Variants in TEX10 observed in about 807,000 individuals in gnomAD.
The protein encoded by TEX10 is testis-expressed protein 10.
A neutral mutation model predicts 104.4 loss-of-function variants in TEX10; 24 were observed. The ratio of observed to expected loss-of-function variants is 0.23; its 90% CI spans 0.17 to 0.32. TEX10 has a LOEUF of 0.32. Among genes scored for constraint, TEX10 ranks in the 10% least tolerant of loss-of-function variants. TEX10 has a pLI of 1.00. For synonymous variants in TEX10, 396 were observed against 393.4 expected, an observed-to-expected ratio of 1.01 and a Z score of -0.08; for missense variants, 921 against 1,083.9, an observed-to-expected ratio of 0.85 and a Z score of 2.11.
intron 1 of TEX10, chr9:100,352,547 G>A: frequency 1.3e-6 from 2 of 1,545,546 alleles, no homozygotes; most frequent in East Asian, 2.4e-5. Context: ...AGGCGAACCC[G>A]CCCAGTCACC....
chr9:100,346,844 C>T lies in TEX10; in HGVS notation c.743G>A (p.Ser248Asn). The T allele has an allele frequency of 6.2e-7, 1 of 1,614,184 alleles. No individual in the cohort carries two copies. Among genetic ancestry groups the T allele is most frequent in the Admixed American group, 1.7e-5 (1 of 60,032 alleles). Residue 248 changes from serine (S) to asparagine (N), a missense_variant, in exon 3 of 15, where the codon AGT (serine) becomes AAT (asparagine). Transcript: ENST00000374902. ...TTCTTTCTGTTCCTGAAGTCCTTCA[C>T]TTTCTCTCAACCTACTGGATCCATC... ...LADGSSRLRE[S>N]EGLQEQKENP... is the part of the protein sequence containing the mutation.
chr9:100,342,365 C>A (rs1191929559), intron 4 of TEX10, among the ~76,000 whole-genome samples: 2 of 152,288 alleles, frequency 1.3e-5, no homozygotes, highest in African/African-American at 4.8e-5. Context: ...AAGGTACATA[C>A]CATGAGGGCA....
chr9:100,350,892 G>A (rs989576131), intron 1 of TEX10, among the ~76,000 whole-genome samples: 3 of 152,136 alleles, frequency 2.0e-5, no homozygotes, highest in Admixed American at 2.0e-4. Flanking sequence ...AGATTGATTA[G>A]GCTTTTATCC....
chr9:100,309,239 AG>A (rs1279534657), intron 12 of TEX10, among the ~76,000 whole-genome samples: 1 of 152,220 alleles, frequency 6.6e-6, no homozygotes, highest in Non-Finnish European at 1.5e-5. Flanking sequence ...TTTCACTGCC[AG>A]GAAACCCAGG....
intron 13 of TEX10, chr9:100,306,809 A>C (rs1028235596): frequency 6.6e-6 from 1 of 152,242 alleles, no homozygotes; most frequent in Non-Finnish European, 1.5e-5. Flanking sequence ...CAAGTATTAC[A>C]CACACTTAAT....
At chr9:100,334,317 T>G (rs1007345730) in intron 5 of TEX10, among the ~76,000 whole-genome samples, 15 of 152,018 alleles carry the variant, frequency 9.9e-5, no homozygotes, top group Non-Finnish European at 1.5e-4. Context: ...CATAGCTGAC[T>G]TCTTAACAAT....
At position 100,321,717 on chromosome 9, in the gene TEX10, T is replaced by C. The variant is rs1834576944; in HGVS notation, c.2034A>G (p.Val678=). 3 of 1,612,580 alleles carry C rather than the reference T, an allele frequency of 1.9e-6. No homozygotes were observed. In the South Asian group the frequency reaches 3.3e-5, roughly 18 times the overall value. The part of the protein sequence containing the change: ...YSAKDWLMSD[V]DYFSFLFSTL... ...TGGAAAATAAGAAGCTGAAATAGTC[T>C]ACATCACTCATCAACCAGTCTTTAG... is the stretch of plus-strand genomic sequence containing the variant. Residue 678 remains valine, a synonymous_variant, in exon 10 of 15, where the codon GTA becomes GTG. Coordinates refer to ENST00000374902, the MANE Select transcript of TEX10 (RefSeq NM_017746.4).
chr9:100,324,887 C>T (rs1834663347), intron 9 of TEX10, among the ~76,000 whole-genome samples: 1 of 152,022 alleles, frequency 6.6e-6, no homozygotes, highest in Admixed American at 6.6e-5. Context: ...TAGCATTTTG[C>T]TTACACAAAA....
intron 11 of TEX10, among the ~76,000 whole-genome samples, chr9:100,316,167 G>C (rs558617153): frequency 4.6e-5 from 7 of 152,214 alleles, no homozygotes; most frequent in Admixed American, 2.0e-4. Context: ...GCACATCAAA[G>C]ATAATATACC....
Position 100,346,332 on chromosome 9 carries a change from A to G in TEX10, c.894-17T>C. The G allele has an allele frequency of 1.3e-6, 2 of 1,583,698 alleles. No individual in the cohort carries two copies. Among genetic ancestry groups the G allele is most frequent in the Non-Finnish European group, 1.7e-6 (2 of 1,169,224 alleles). On this transcript the variant is annotated splice_polypyrimidine_tract_variant and intron_variant, in intron 3 of 14. Coordinates refer to ENST00000374902, the MANE Select transcript of TEX10 (RefSeq NM_017746.4). The stretch of plus-strand genomic sequence containing the variant: ...ACCAGATACCTAATAAGGGTAAGAA[A>G]GAAAAAAATTAAGTGATTAAAAAAT...
intron 11 of TEX10, among the ~76,000 whole-genome samples, chr9:100,312,943 T>C (rs982118569): frequency 6.6e-6 from 1 of 152,118 alleles, no homozygotes; most frequent in South Asian, 2.1e-4. Flanking sequence ...AAGTTAAATA[T>C]CTATAAAAGA....
At chr9:100,339,107 A>C (rs745958090) in intron 5 of TEX10, among the ~76,000 whole-genome samples, 2 of 151,010 alleles carry the variant, frequency 1.3e-5, no homozygotes, top group Non-Finnish European at 3.0e-5. Flanking sequence ...TACAAAAATT[A>C]ATCAGGCATG....
intron 11 of TEX10, among the ~76,000 whole-genome samples, chr9:100,316,575 G>T (rs1465128432): frequency 6.6e-6 from 1 of 152,106 alleles, no homozygotes; most frequent in East Asian, 1.9e-4. Flanking sequence ...AATTGGAAAA[G>T]AGGAAGCTGA....
chr9:100,307,321 T>C (rs1422297205), intron 13 of TEX10: 2 of 152,230 alleles, frequency 1.3e-5, no homozygotes, highest in Non-Finnish European at 2.9e-5. Context: ...ATTTACATAT[T>C]ATCTATTGAT....
chr9:100,314,845 CATTTAAT>C (rs750743333), intron 11 of TEX10, among the ~76,000 whole-genome samples: 7 of 152,164 alleles, frequency 4.6e-5, no homozygotes, highest in Non-Finnish European at 1.0e-4. Flanking sequence ...TTGATGTAGA[CATTTAAT>C]GCTATGAAGT....
intron 1 of TEX10, among the ~76,000 whole-genome samples, chr9:100,352,226 C>T (rs891136950): frequency 1.3e-5 from 2 of 152,204 alleles, no homozygotes; most frequent in East Asian, 1.9e-4. Flanking sequence ...CCTCCAAACT[C>T]CACTGAGGGG....
At chr9:100,303,134 T>C (rs1339165019) in intron 14 of TEX10, among the ~76,000 whole-genome samples, 1 of 152,230 alleles carries the variant, frequency 6.6e-6, no homozygotes, top group African/African-American at 2.4e-5. Context: ...ACAACATTTA[T>C]GGAGCACTTA....
chr9:100,339,712 A>G (rs530335538), intron 5 of TEX10, among the ~76,000 whole-genome samples: 32 of 151,704 alleles, frequency 2.1e-4, no homozygotes, highest in African/African-American at 7.5e-4. Flanking sequence ...TTATTACATA[A>G]CTTGTTCTCA....
chr9:100,352,731 C>A, intron 1 of TEX10, 41 bp downstream of exon 1: 1 of 1,206,358 alleles, frequency 8.3e-7, no homozygotes, highest in Non-Finnish European at 1.0e-6. Flanking sequence ...CTCAGTCCCG[C>A]GCCCCGGGAG....
Sources: gnomAD v4.1 joint callset for allele counts (sites outside exome capture counted in the v4.1 genomes callset) on GRCh38, gnomAD v4.1.1 for gene constraint, MANE v1.5 for transcripts, NCBI Gene and HGNC (gene_info 2026-07-23, HGNC 2026-07-21) for gene names.